DLGAP2: variants seen among roughly 807,000 people sequenced by gnomAD.
DLGAP2 encodes disks large-associated protein 2.
A neutral mutation model predicts 100.3 loss-of-function variants in DLGAP2; 26 were observed. The ratio of observed to expected loss-of-function variants is 0.26; its 90% CI spans 0.19 to 0.36. DLGAP2 has a LOEUF of 0.36. DLGAP2 is among the 10% of genes least tolerant of loss of function. DLGAP2 has a pLI of 1.00. For synonymous variants in DLGAP2, 886 were observed against 630.1 expected (o/e 1.41, Z -6.08); for missense variants, 1,858 against 1,453.2 (o/e 1.28, Z -4.53).
At chr8:784,094 C>G (rs145836193) in intron 1 of DLGAP2, among the ~76,000 whole-genome samples, 2 of 152,122 alleles carry the variant, frequency 1.3e-5, no homozygotes, top group South Asian at 2.1e-4. Flanking sequence ...ACACTGAACC[C>G]AGCTTTCTTT....
chr8:1,371,220 C>T (rs1410498329), intron 3 of DLGAP2, among the ~76,000 whole-genome samples: 2 of 152,244 alleles, frequency 1.3e-5, no homozygotes, highest in Non-Finnish European at 2.9e-5. Context: ...GGTCAGCAGT[C>T]CTCAGACAGG....
At chr8:1,304,335 A>G (rs1422987764) in intron 3 of DLGAP2, among the ~76,000 whole-genome samples, 5 of 152,198 alleles carry the variant, frequency 3.3e-5, no homozygotes, top group African/African-American at 7.2e-5. Context: ...GACGACACAG[A>G]TGTCTCACTC....
At chr8:1,133,829 C>G (rs1402720071) in intron 2 of DLGAP2, among the ~76,000 whole-genome samples, 1 of 151,822 alleles carries the variant, frequency 6.6e-6, no homozygotes, top group South Asian at 2.1e-4. Flanking sequence ...ATCATAAAAT[C>G]CGTATTGGGA....
chr8:756,228 T>C (rs1261288271), intron 1 of DLGAP2, among the ~76,000 whole-genome samples: 6 of 152,006 alleles, frequency 3.9e-5, no homozygotes, highest in African/African-American at 1.2e-4. Flanking sequence ...GCTGGTGGCA[T>C]AGGAGACGGG....
At chr8:878,825 A>G (rs896217268) in intron 1 of DLGAP2, among the ~76,000 whole-genome samples, 1 of 152,222 alleles carries the variant, frequency 6.6e-6, no homozygotes, top group Non-Finnish European at 1.5e-5. Context: ...GTGAGACAGC[A>G]CAAGGCTCCC....
intron 1 of DLGAP2, among the ~76,000 whole-genome samples, chr8:776,962 C>A (rs965090820): frequency 2.0e-5 from 3 of 152,002 alleles, no homozygotes; most frequent in African/African-American, 7.3e-5. Flanking sequence ...TTAAAATCTC[C>A]CATTATTAAT....
At chr8:1,619,956 G>C (rs1317789057) in intron 6 of DLGAP2, 1 of 152,136 alleles carries the variant, frequency 6.6e-6, no homozygotes, top group Non-Finnish European at 1.5e-5. Flanking sequence ...CCTGTAGACA[G>C]GAAAAATGAT....
At chr8:1,029,637 T>A (rs1283983349) in intron 2 of DLGAP2, among the ~76,000 whole-genome samples, 1 of 145,462 alleles carries the variant, frequency 6.9e-6, no homozygotes, top group Non-Finnish European at 1.5e-5. Flanking sequence ...TGTCCAGCAG[T>A]GCTGAGAGGT....
At chr8:1,066,988 C>T (rs1803273909) in intron 2 of DLGAP2, among the ~76,000 whole-genome samples, 1 of 152,212 alleles carries the variant, frequency 6.6e-6, no homozygotes, top group African/African-American at 2.4e-5. Flanking sequence ...CCCAAGCTGC[C>T]TGGGCCCCCC....
intron 3 of DLGAP2, among the ~76,000 whole-genome samples, chr8:1,330,432 T>C (rs559076287): frequency 1.9e-3 from 232 of 124,140 alleles, no homozygotes; most frequent in African/African-American, 6.7e-3. Flanking sequence ...TCGCGGGGAC[T>C]GAGTTCTGGG....
chr8:1,352,187 C>T (rs1435853435), intron 3 of DLGAP2, among the ~76,000 whole-genome samples: 1 of 115,756 alleles, frequency 8.6e-6, no homozygotes, highest in Non-Finnish European at 1.8e-5. Flanking sequence ...TGTGGATAGG[C>T]TGTGCGGGTC....
In DLGAP2 at chr8:1,549,477, A is replaced by T; in HGVS notation, c.1024A>T (p.Thr342Ser). ...QSPFGDLSLKTSKSNNDVKCS... is the reference protein window; with the variant it reads ...QSPFGDLSLKSSKSNNDVKCS... ...CCCCTTCGGGGACCTGTCCCTCAAGACCTCCAAGAGCAACAACGACGTCAA... is the reference window on the plus strand; with the variant it reads ...CCCCTTCGGGGACCTGTCCCTCAAGTCCTCCAAGAGCAACAACGACGTCAA... The change falls in exon 5 of 15, where the codon ACC (threonine) becomes TCC (serine). Residue 342 changes from threonine to serine, a missense_variant. Coordinates refer to ENST00000637795, the MANE Select transcript of DLGAP2 (RefSeq NM_001346810.2). 6.2e-7 allele frequency: 1 copy of T among 1,613,390 alleles called. No homozygotes were observed. Among genetic ancestry groups the T allele is most frequent in the Non-Finnish European group, 8.5e-7 (1 of 1,179,768 alleles).
At chr8:1,532,985 C>G (rs1801033366) in intron 4 of DLGAP2, among the ~76,000 whole-genome samples, 1 of 152,134 alleles carries the variant, frequency 6.6e-6, no homozygotes, top group South Asian at 2.1e-4. Context: ...CATTCACCTG[C>G]ACTTCTGTCT....
At chr8:1,413,910 AT>A (rs71190734) in intron 3 of DLGAP2, among the ~76,000 whole-genome samples, 125 of 150,438 alleles carry the variant, frequency 8.3e-4, no homozygotes, top group African/African-American at 1.3e-3. Flanking sequence ...CTTGTTTATC[AT>A]TTTTTTTTTC....
intron 2 of DLGAP2, among the ~76,000 whole-genome samples, chr8:916,621 C>T (rs952564505): frequency 2.8e-4 from 43 of 151,832 alleles, no homozygotes; most frequent in Non-Finnish European, 4.6e-4. Flanking sequence ...CAAACCTGCA[C>T]GTTGTGCACA....
intron 2 of DLGAP2, among the ~76,000 whole-genome samples, chr8:1,095,384 C>T (rs1186707763): frequency 6.6e-6 from 1 of 152,214 alleles, no homozygotes; most frequent in Non-Finnish European, 1.5e-5. Flanking sequence ...GCAGCAGACC[C>T]CAAGCTCACC....
intron 3 of DLGAP2, among the ~76,000 whole-genome samples, chr8:1,409,768 C>G (rs1186717158): frequency 6.6e-6 from 1 of 152,180 alleles, no homozygotes; most frequent in African/African-American, 2.4e-5. Flanking sequence ...AGGACCTCCT[C>G]TCTTCTTGAG....
Position 1,703,007 on chromosome 8 carries a change from G to C in DLGAP2, c.*1601G>C, listed in dbSNP as rs917390621. ...AATGTCCCCAGCCCCTCTGCAGCCC[G>C]TGGCTGGCAGGGCGTTCGATGTGCG... On this transcript the variant is annotated 3_prime_UTR_variant, in exon 15 of 15. Transcript: ENST00000637795. 1 of 149,732 alleles carries C rather than the reference G, an allele frequency of 6.7e-6. No individual in the cohort carries two copies. Among genetic ancestry groups the C allele is most frequent in the Admixed American group, 6.6e-5 (1 of 15,210 alleles). 9.3% of individuals were successfully genotyped at this position (149,732 alleles called of 1,614,324 possible).
intron 2 of DLGAP2, among the ~76,000 whole-genome samples, chr8:1,110,753 C>T (rs1481344485): frequency 6.8e-6 from 1 of 147,334 alleles, no homozygotes; most frequent in Non-Finnish European, 1.5e-5. Context: ...GAGTGTCCCG[C>T]AGCCCTGCAG....
Sources: gnomAD v4.1 joint callset for allele counts (sites outside exome capture counted in the v4.1 genomes callset) on GRCh38, gnomAD v4.1.1 for gene constraint, MANE v1.5 for transcripts, NCBI Gene and HGNC (gene_info 2026-07-23, HGNC 2026-07-21) for gene names.